The following KCNQ1OT1 variants were observed in gnomAD, a reference collection of about 807,000 sequenced individuals.
KCNQ1OT1 encodes KCNQ1 opposite strand/antisense transcript 1.
exon 1 of KCNQ1OT1, chr11:2,693,115 G>A (rs572486586): frequency 2.5e-6 from 1 of 398,658 alleles, no homozygotes; most frequent in African/African-American, 2.1e-5. Context: ...TTTGCCCCAA[G>A]ACTACTTTCT....
chr11:2,641,229 T>G, exon 1 of KCNQ1OT1: 1 of 398,456 alleles, frequency 2.5e-6, no homozygotes, highest in Non-Finnish European at 4.4e-6. Flanking sequence ...TTTTAGGTTT[T>G]TCAGAAATCA....
In KCNQ1OT1 at chr11:2,653,749, T is replaced by C. The variant is rs1849793580; in HGVS notation, n.46246A>G. The C allele has an allele frequency of 5.0e-6, 2 of 398,532 alleles. No homozygotes were observed. Among genetic ancestry groups the C allele is most frequent in the Admixed American group, 4.4e-5 (1 of 22,718 alleles). 24.7% of individuals were successfully genotyped at this position (398,532 alleles called of 1,614,324 possible). ...GCCAGAATCTAAGGCCAGGTTCTTA[T>C]TGGCCTCAGCTGGGGTACAAGCCAT... On this transcript the variant is annotated non_coding_transcript_exon_variant, in exon 1 of 1. Coordinates refer to ENST00000597346, the Ensembl canonical transcript of KCNQ1OT1. The surrounding 1 kb of genome is among the most constrained non-coding windows in gnomAD (Gnocchi z 5.3).
chr11:2,682,722 G>A lies in KCNQ1OT1; in HGVS notation n.17273C>T. 1 of 398,612 alleles carries A rather than the reference G, an allele frequency of 2.5e-6. No homozygotes were observed. 24.7% of individuals were successfully genotyped at this position (398,612 alleles called of 1,614,324 possible). On this transcript the variant is annotated non_coding_transcript_exon_variant, in exon 1 of 1. Transcript: ENST00000597346. This position sits in a 1 kb window ranked among gnomAD's most constrained non-coding sequence, Gnocchi z 5.8. ...TGACCAGAATATCTCTAGTCATAAA[G>A]AATCTCTTCCCCTTGAGCCCACTCA...
chr11:2,635,719 G>A (rs1849453892), exon 1 of KCNQ1OT1: 1 of 152,168 alleles, frequency 6.6e-6, no homozygotes, highest in Non-Finnish European at 1.5e-5. Flanking sequence ...ATTCTGTGAA[G>A]AAAGTCATTG....
chr11:2,660,897 T>A, exon 1 of KCNQ1OT1: 1 of 398,634 alleles, frequency 2.5e-6, no homozygotes, highest in Non-Finnish European at 4.4e-6. Flanking sequence ...GTCTGAATAA[T>A]TAAGCAGCTT....
chr11:2,621,541 C>G lies in KCNQ1OT1; in HGVS notation n.78454G>C, dbSNP rs1849172594. 2 of 398,372 alleles carry G rather than the reference C, an allele frequency of 5.0e-6. No individual in the cohort carries two copies. The highest frequency in any genetic ancestry group is 3.6e-5 in the East Asian group (1 of 28,058). 24.7% of individuals were successfully genotyped at this position (398,372 alleles called of 1,614,324 possible). ...TAATTTCTTTTGCTATGCAGAAGCT[C>G]TTTAGTTTACCACTGTGATCTCTTT... On this transcript the variant is annotated non_coding_transcript_exon_variant, in exon 1 of 1. Coordinates refer to ENST00000597346, the Ensembl canonical transcript of KCNQ1OT1. The surrounding 1 kb of genome is among the most constrained non-coding windows in gnomAD (Gnocchi z 5.7).
chr11:2,618,581 C>T (rs1849109829), exon 1 of KCNQ1OT1: 2 of 398,410 alleles, frequency 5.0e-6, no homozygotes, highest in Non-Finnish European at 8.8e-6. Flanking sequence ...TATGCCAGGA[C>T]CATACTGTTT....
chr11:2,659,846 A>G lies in KCNQ1OT1; in HGVS notation n.40149T>C, dbSNP rs182724167. On this transcript the variant is annotated non_coding_transcript_exon_variant, in exon 1 of 1. Transcript: ENST00000597346. This position sits in a 1 kb window ranked among gnomAD's most constrained non-coding sequence, Gnocchi z 4.3. The stretch of plus-strand genomic sequence containing the variant: ...ATTTCCATATTTATGTTAATTATGT[A>G]TCTTTTCATGTGCTTATTTATAATC... 63 of 398,294 alleles carry G rather than the reference A, an allele frequency of 1.6e-4. No homozygotes were observed. In the Admixed American group the frequency reaches 2.5e-3, roughly 16 times the overall value. The allele number at this position is 398,294 out of a possible 1,614,324, so 24.7% of individuals were successfully genotyped here. A position where few individuals can be genotyped will look rare whatever the true frequency, so the allele number is the denominator to read the frequency against.
Position 2,626,743 on chromosome 11 carries a change from G to A in KCNQ1OT1, n.73252C>T. On this transcript the variant is annotated non_coding_transcript_exon_variant, in exon 1 of 1. Coordinates refer to ENST00000597346, the Ensembl canonical transcript of KCNQ1OT1. This position sits in a 1 kb window ranked among gnomAD's most constrained non-coding sequence, Gnocchi z 4.0. ...GAGGTCTCCCTGTGTTCCCCAGGCT[G>A]GTCTCAAACTCCTGGACTCAGAAGT... 2.5e-6 allele frequency: 1 copy of A among 398,334 alleles called. No homozygotes were observed. The highest frequency in any genetic ancestry group is 4.4e-6 in the Non-Finnish European group (1 of 226,058). 24.7% of individuals were successfully genotyped at this position (398,334 alleles called of 1,614,324 possible). A position where few individuals can be genotyped will look rare whatever the true frequency, so the allele number is the denominator to read the frequency against.
chr11:2,650,237 T>A (rs1849736097), exon 1 of KCNQ1OT1: 1 of 398,482 alleles, frequency 2.5e-6, no homozygotes, highest in African/African-American at 2.1e-5. Context: ...TTGTATCTCA[T>A]TGGGTTTCCT....
In KCNQ1OT1 at chr11:2,624,756, C is replaced by T; in HGVS notation, n.75239G>A. ...TAATTCCCCAACCCCCCCACCACCG[C>T]CATCTCTTGGAAACCACCTTGTACT... On this transcript the variant is annotated non_coding_transcript_exon_variant, in exon 1 of 1. Transcript: ENST00000597346. The surrounding 1 kb of genome is among the most constrained non-coding windows in gnomAD (Gnocchi z 4.9). 1 of 398,402 alleles carries T rather than the reference C, an allele frequency of 2.5e-6. No homozygotes were observed. Among genetic ancestry groups the T allele is most frequent in the East Asian group, 3.6e-5 (1 of 28,072 alleles). The allele number at this position is 398,402 out of a possible 1,614,324, so 24.7% of individuals were successfully genotyped here.
exon 1 of KCNQ1OT1, chr11:2,684,396 C>A (rs1296306247): frequency 5.0e-6 from 2 of 398,544 alleles, no homozygotes; most frequent in Non-Finnish European, 8.8e-6. Flanking sequence ...GGGGTCCATC[C>A]CCCTGATTCC....
rs1371311407 is a variant in KCNQ1OT1, at chr11:2,653,427, T to G, written n.46568A>C. 5.0e-6 allele frequency: 2 copies of G among 398,578 alleles called. No homozygotes were observed. The highest frequency in any genetic ancestry group is 4.1e-5 in the African/African-American group (2 of 48,616). The allele number at this position is 398,578 out of a possible 1,614,324, so 24.7% of individuals were successfully genotyped here. Reference sequence around the variant, plus strand: ...TGATGGAACCCCAACTCAAACAAGCTTAAGCACAAAAGGGACATTTTTTGG... The same window carrying G: ...TGATGGAACCCCAACTCAAACAAGCGTAAGCACAAAAGGGACATTTTTTGG... On this transcript the variant is annotated non_coding_transcript_exon_variant, in exon 1 of 1. Coordinates refer to ENST00000597346, the Ensembl canonical transcript of KCNQ1OT1. The surrounding 1 kb of genome is among the most constrained non-coding windows in gnomAD (Gnocchi z 5.3).
At chr11:2,610,045 G>T (rs938186295) in exon 1 of KCNQ1OT1, 1 of 397,660 alleles carries the variant, frequency 2.5e-6, no homozygotes, top group African/African-American at 2.1e-5. Flanking sequence ...TATATCCACA[G>T]TTTTACTTTT....
chr11:2,608,990 G>A lies in KCNQ1OT1; in HGVS notation n.91005C>T. 2.5e-6 allele frequency: 1 copy of A among 397,306 alleles called. No individual in the cohort carries two copies. The highest frequency in any genetic ancestry group is 4.4e-6 in the Non-Finnish European group (1 of 225,726). The allele number at this position is 397,306 out of a possible 1,614,324, so 24.6% of individuals were successfully genotyped here. On this transcript the variant is annotated non_coding_transcript_exon_variant, in exon 1 of 1. Coordinates refer to ENST00000597346, the Ensembl canonical transcript of KCNQ1OT1. The surrounding 1 kb of genome is among the most constrained non-coding windows in gnomAD (Gnocchi z 4.6). ...TGTTAATTTCAAAGAACCAAATTTT[G>A]GATTTGTTGACTTTATTATTTTTAT... is the stretch of plus-strand genomic sequence containing the variant.
At position 2,623,728 on chromosome 11, in the gene KCNQ1OT1, A is replaced by G; in HGVS notation, n.76267T>C. On this transcript the variant is annotated non_coding_transcript_exon_variant, in exon 1 of 1. Coordinates refer to ENST00000597346, the Ensembl canonical transcript of KCNQ1OT1. This position sits in a 1 kb window ranked among gnomAD's most constrained non-coding sequence, Gnocchi z 5.2. The stretch of plus-strand genomic sequence containing the variant: ...ACAATCACAAATAAAGCTTCTGTAA[A>G]CATCTCTGTGCAGATTTTTATGTGA... The G allele has an allele frequency of 2.5e-6, 1 of 398,550 alleles. No individual in the cohort carries two copies. The highest frequency in any genetic ancestry group is 1.3e-4 in the South Asian group (1 of 7,854). 24.7% of individuals were successfully genotyped at this position (398,550 alleles called of 1,614,324 possible).
chr11:2,662,676 G>C (rs1300615362), exon 1 of KCNQ1OT1: 1 of 405,022 alleles, frequency 2.5e-6, no homozygotes, highest in Non-Finnish European at 4.4e-6. Flanking sequence ...CTCCCCGCTG[G>C]GGTGCCCAGC....
At chr11:2,680,221 AAAAAAAG>A (rs1448969825) in exon 1 of KCNQ1OT1, 20 of 398,294 alleles carry the variant, frequency 5.0e-5, no homozygotes, top group Middle Eastern at 1.3e-3. Flanking sequence ...AAAAAAAAAA[AAAAAAAG>A]TTGTCTATCT....
rs774155339 is a variant in KCNQ1OT1 at position 2,690,313 on chromosome 11, G to C, written n.9682C>G. On this transcript the variant is annotated non_coding_transcript_exon_variant, in exon 1 of 1. Transcript: ENST00000597346. The surrounding 1 kb of genome is among the most constrained non-coding windows in gnomAD (Gnocchi z 5.1). ...CTTCCTCCCTGTAGGATTGTCACAA[G>C]GATTAAATGATGTCAAGTCTGAGGC... 4.8e-5 allele frequency: 19 copies of C among 398,572 alleles called. No individual in the cohort carries two copies. Among genetic ancestry groups the C allele is most frequent in the Non-Finnish European group, 8.0e-5 (18 of 226,102 alleles). 24.7% of individuals were successfully genotyped at this position (398,572 alleles called of 1,614,324 possible).
Sources: gnomAD v4.1 joint callset for allele counts on GRCh38, gnomAD v4.1.1 for gene constraint, Gnocchi (gnomAD v3.1) non-coding constraint, MANE v1.5 for transcripts, NCBI Gene and HGNC (gene_info 2026-07-23, HGNC 2026-07-21) for gene names.